The following ERC2 variants were observed in gnomAD, a reference collection of about 807,000 sequenced individuals.
ERC2 encodes the protein ELKS/RAB6-interacting/CAST family member 2.
ERC2 carries 42 observed loss-of-function variants against 114.8 expected under a neutral mutation model. The observed-to-expected ratio is 0.37, with a 90% CI of 0.29 to 0.47. The LOEUF is 0.47. ERC2 is among the 20% of genes least tolerant of loss of function. The pLI, the probability that ERC2 is intolerant of heterozygous loss-of-function variation, is 0.99. For synonymous variants in ERC2, 454 were observed against 425.5 expected, an observed-to-expected ratio of 1.07 and a Z score of -0.82; for missense variants, 939 against 1,150.7, an observed-to-expected ratio of 0.82 and a Z score of 2.66.
chr3:56,343,941 G>T (rs185080661), intron 2 of ERC2, among the ~76,000 whole-genome samples: 28 of 152,150 alleles, frequency 1.8e-4, no homozygotes, highest in African/African-American at 6.7e-4. Flanking sequence ...ACAAAGAAAG[G>T]ATTACTTATT....
intron 13 of ERC2, among the ~76,000 whole-genome samples, chr3:55,906,356 C>T (rs999131801): frequency 4.8e-4 from 71 of 147,408 alleles, no homozygotes; most frequent in Middle Eastern, 7.5e-3. Flanking sequence ...GGCGTGAACC[C>T]GGGAGGCGGA....
intron 12 of ERC2, among the ~76,000 whole-genome samples, chr3:55,963,014 G>T (rs767656491): frequency 6.2e-4 from 94 of 152,330 alleles, no homozygotes; most frequent in Middle Eastern, 3.4e-3. Context: ...TAGAGAACTA[G>T]ATACAGATGA....
chr3:55,776,649 G>A (rs954838041), intron 14 of ERC2, among the ~76,000 whole-genome samples: 1 of 152,180 alleles, frequency 6.6e-6, no homozygotes, highest in African/African-American at 2.4e-5. Flanking sequence ...CTAGACCTGG[G>A]TTGAAATATT....
chr3:55,652,521 T>A (rs2060669797), intron 17 of ERC2, among the ~76,000 whole-genome samples: 1 of 152,104 alleles, frequency 6.6e-6, no homozygotes, highest in African/African-American at 2.4e-5. Context: ...GGGCAGGTAC[T>A]TCATGCCAGG....
At chr3:55,953,774 G>A (rs1166838818) in intron 12 of ERC2, among the ~76,000 whole-genome samples, 1 of 151,952 alleles carries the variant, frequency 6.6e-6, no homozygotes. Flanking sequence ...CCTCACAGAT[G>A]CTCAGTGAAA....
At chr3:56,236,242 C>T (rs543977975) in intron 3 of ERC2, among the ~76,000 whole-genome samples, 2 of 151,986 alleles carry the variant, frequency 1.3e-5, no homozygotes, top group East Asian at 3.9e-4. Context: ...TAGAGGGCTG[C>T]ATATAGATTT....
chr3:55,518,201 T>C (rs2052666922), intron 17 of ERC2, among the ~76,000 whole-genome samples: 1 of 152,176 alleles, frequency 6.6e-6, no homozygotes, highest in African/African-American at 2.4e-5. Context: ...AGTCAATTGT[T>C]ACTGTACACA....
intron 6 of ERC2, among the ~76,000 whole-genome samples, chr3:56,138,051 C>CTTTTT (rs920983143): frequency 7.6e-5 from 7 of 92,630 alleles, no homozygotes; most frequent in African/African-American, 1.6e-4. Context: ...AATGGTATTT[C>CTTTTT]TTTTTTTTTT....
chr3:56,325,074 T>C (rs960477493), intron 2 of ERC2, among the ~76,000 whole-genome samples: 1 of 152,008 alleles, frequency 6.6e-6, no homozygotes, highest in South Asian at 2.1e-4. Flanking sequence ...TCATGATCTA[T>C]CTACCTTTAA....
At chr3:55,705,818 G>A (rs983518976) in intron 15 of ERC2, among the ~76,000 whole-genome samples, 12 of 152,208 alleles carry the variant, frequency 7.9e-5, no homozygotes, top group African/African-American at 2.9e-4. Flanking sequence ...AGATCATCAT[G>A]AAGGTTTGGC....
chr3:55,808,192 T>C (rs1201739657), intron 14 of ERC2, among the ~76,000 whole-genome samples: 1 of 152,178 alleles, frequency 6.6e-6, no homozygotes, highest in Non-Finnish European at 1.5e-5. Flanking sequence ...AGACAAACTC[T>C]GGGTGCTTGC....
At chr3:55,848,920 G>A (rs891380778) in intron 14 of ERC2, among the ~76,000 whole-genome samples, 1 of 152,144 alleles carries the variant, frequency 6.6e-6, no homozygotes, top group African/African-American at 2.4e-5. Context: ...TTTGTGAGTG[G>A]AGGCAGTTTT....
At chr3:56,278,542 C>T (rs1178833814) in intron 3 of ERC2, among the ~76,000 whole-genome samples, 2 of 152,158 alleles carry the variant, frequency 1.3e-5, no homozygotes, top group Non-Finnish European at 2.9e-5. Flanking sequence ...TAAATGAGGA[C>T]TTTAGTTTGG....
chr3:55,697,244 C>T (rs890372018), intron 16 of ERC2, among the ~76,000 whole-genome samples: 11 of 152,266 alleles, frequency 7.2e-5, no homozygotes, highest in South Asian at 2.1e-4. Flanking sequence ...ACCCACTTCC[C>T]GGGCTCCAGA....
intron 17 of ERC2, among the ~76,000 whole-genome samples, chr3:55,607,350 A>G (rs1575746585): frequency 6.6e-6 from 1 of 152,138 alleles, no homozygotes; most frequent in African/African-American, 2.4e-5. Context: ...AGCCTGGAGA[A>G]CCCATGGAGT....
chr3:56,330,009 A>G (rs2057536598), intron 2 of ERC2, among the ~76,000 whole-genome samples: 1 of 151,766 alleles, frequency 6.6e-6, no homozygotes, highest in Admixed American at 6.6e-5. Flanking sequence ...CAATAAACAT[A>G]TATATATTTC....
chr3:55,613,815 T>C (rs2059006154), intron 17 of ERC2, among the ~76,000 whole-genome samples: 1 of 151,554 alleles, frequency 6.6e-6, no homozygotes, highest in East Asian at 1.9e-4. Context: ...ACCCCATCTC[T>C]ACTAAAAAAT....
chr3:55,534,236 T>C (rs1237736009), intron 17 of ERC2, among the ~76,000 whole-genome samples: 1 of 152,094 alleles, frequency 6.6e-6, no homozygotes, highest in Non-Finnish European at 1.5e-5. Context: ...CTGAGCAACA[T>C]AACAAGACCT....
rs768584543 is a variant in ERC2, at chr3:55,992,215, A to C, written c.2097T>G (p.Pro699=). ...GCTGTTTTATTTGGTCTGCAAACTCAGGGTTCATCCTGGAGTCATCTTCAA... is the reference window on the plus strand; with the variant it reads ...GCTGTTTTATTTGGTCTGCAAACTCCGGGTTCATCCTGGAGTCATCTTCAA... The part of the protein sequence containing the change: ...HNIEDDSRMN[P]EFADQIKQLD... The change falls in exon 11 of 18, where the codon CCT becomes CCG. Residue 699 remains proline, a synonymous_variant. Transcript: ENST00000288221. 6.2e-7 allele frequency: 1 copy of C among 1,613,814 alleles called. No individual in the cohort carries two copies. Among genetic ancestry groups the C allele is most frequent in the Non-Finnish European group, 8.5e-7 (1 of 1,179,768 alleles).
Sources: gnomAD v4.1 joint callset for allele counts (sites outside exome capture counted in the v4.1 genomes callset) on GRCh38, gnomAD v4.1.1 for gene constraint, MANE v1.5 for transcripts, NCBI Gene and HGNC (gene_info 2026-07-23, HGNC 2026-07-21) for gene names.